Variants in TRAF3 observed in about 807,000 individuals in gnomAD.
The protein encoded by TRAF3 is TNF receptor-associated factor 3.
Under a neutral mutation model 62.3 loss-of-function variants are expected in TRAF3, and 13 were observed. The observed-to-expected ratio is 0.21, with a 90% CI of 0.14 to 0.33. The LOEUF is 0.33. TRAF3 is among the 10% of genes least tolerant of loss of function. TRAF3 has a pLI of 1.00. For missense variants in TRAF3, 440 were observed against 741.8 expected, an observed-to-expected ratio of 0.59 and a Z score of 4.73; for synonymous variants, 269 against 283.4, an observed-to-expected ratio of 0.95 and a Z score of 0.51.
At chr14:102,884,106 TG>T (rs1889226054) in intron 6 of TRAF3, among the ~76,000 whole-genome samples, 1 of 152,220 alleles carries the variant, frequency 6.6e-6, no homozygotes, top group South Asian at 2.1e-4. Context: ...GGTCTGGAAA[TG>T]CAAAACCAAG....
At chr14:102,831,608 T>C (rs934092698) in intron 2 of TRAF3, among the ~76,000 whole-genome samples, 4 of 152,182 alleles carry the variant, frequency 2.6e-5, no homozygotes, top group African/African-American at 9.7e-5. Context: ...TGCCCAGTGC[T>C]GCCTGCTGCC....
At chr14:102,791,813 C>CTTTTT (rs112341301) in intron 1 of TRAF3, among the ~76,000 whole-genome samples, 2 of 146,290 alleles carry the variant, frequency 1.4e-5, no homozygotes, top group Non-Finnish European at 1.5e-5. Context: ...TCTTTCTTTC[C>CTTTTT]TTTTTTTTTT....
At position 102,801,321 on chromosome 14, in the gene TRAF3, T is replaced by TTATATAA. The variant is rs1043437517; in HGVS notation, c.-157+23661_-157+23667dup. On this transcript the variant is annotated intron_variant, in intron 1 of 11. Coordinates refer to ENST00000392745, the MANE Select transcript of TRAF3 (RefSeq NM_145725.3). ...TACTGCCTCAGACTTCCCTGGAGTGTTATATAATATATAATATATAAAATA... is the reference window on the plus strand; with the variant it reads ...TACTGCCTCAGACTTCCCTGGAGTGTTATATAATATATAATATATAATATATAAAATA... Among the ~76,000 whole-genome samples the TTATATAA allele has an allele frequency of 2.6e-5, 4 of 152,088 alleles. No individual in the cohort carries two copies. In the South Asian group the frequency reaches 6.2e-4, roughly 24 times the overall value.
intron 9 of TRAF3, among the ~76,000 whole-genome samples, chr14:102,893,879 C>T (rs1031970561): frequency 1.3e-5 from 2 of 152,174 alleles, no homozygotes; most frequent in Non-Finnish European, 2.9e-5. Context: ...GTGCCCTTTG[C>T]TAGGTCCAAA....
At chr14:102,830,885 C>T (rs1462127416) in intron 2 of TRAF3, among the ~76,000 whole-genome samples, 1 of 152,194 alleles carries the variant, frequency 6.6e-6, no homozygotes, top group Non-Finnish European at 1.5e-5. Flanking sequence ...TTTACTAAGG[C>T]AGGACAACAT....
intron 10 of TRAF3, among the ~76,000 whole-genome samples, chr14:102,900,201 A>AAAAAAAAAC: frequency 6.8e-6 from 1 of 146,184 alleles, no homozygotes; most frequent in Admixed American, 6.9e-5. Flanking sequence ...AAAAAAAAAA[A>AAAAAAAAAC]AAGACAGCCT....
At chr14:102,901,581 C>T (rs73350779) in intron 10 of TRAF3, among the ~76,000 whole-genome samples, 9,895 of 152,114 alleles carry the variant, frequency 0.065, 1,060 homozygotes, top group African/African-American at 0.23. Flanking sequence ...TCCTTCTGAA[C>T]ATGTATGATT....
intron 1 of TRAF3, among the ~76,000 whole-genome samples, chr14:102,791,645 T>C (rs1269516913): frequency 6.6e-6 from 1 of 152,200 alleles, no homozygotes; most frequent in Non-Finnish European, 1.5e-5. Context: ...TACCTCTTCT[T>C]TCTAATTTGA....
At chr14:102,819,834 G>A (rs540135101) in intron 1 of TRAF3, among the ~76,000 whole-genome samples, 5 of 152,258 alleles carry the variant, frequency 3.3e-5, no homozygotes, top group Non-Finnish European at 7.3e-5. Context: ...GGGACAGTGA[G>A]ACTATGAATA....
intron 1 of TRAF3, among the ~76,000 whole-genome samples, chr14:102,820,172 G>A (rs1012964776): frequency 6.6e-6 from 1 of 152,128 alleles, no homozygotes; most frequent in African/African-American, 2.4e-5. Context: ...GAGCCACATG[G>A]GGGGCTGGCA....
chr14:102,788,920 A>G (rs777212392), intron 1 of TRAF3, among the ~76,000 whole-genome samples: 3 of 152,162 alleles, frequency 2.0e-5, no homozygotes, highest in Admixed American at 1.3e-4. Context: ...GCAGTGACCT[A>G]TGATCACACC....
At position 102,792,113 on chromosome 14, in the gene TRAF3, C is replaced by CTTTTTTTTTTTTTTTTTTTTTTTTTT. The variant is rs35895214; in HGVS notation, c.-157+14440_-157+14465dup. 1.2e-4 allele frequency among the ~76,000 whole-genome samples: 12 copies of CTTTTTTTTTTTTTTTTTTTTTTTTTT among 97,702 alleles called. 6 individuals are homozygous for CTTTTTTTTTTTTTTTTTTTTTTTTTT. The highest frequency in any genetic ancestry group is 2.2e-4 in the Admixed American group (2 of 9,054). 64.1% of individuals were successfully genotyped at this position (97,702 alleles called of 152,430 possible). On this transcript the variant is annotated intron_variant, in intron 1 of 11. Transcript: ENST00000392745. ...ACAGGTGCGAGCCACTGTGCCTGGA[C>CTTTTTTTTTTTTTTTTTTTTTTTTTT]TTTTTTTTTTTTTTTTTTTTTTTTT... is the stretch of plus-strand genomic sequence containing the variant.
intron 1 of TRAF3, among the ~76,000 whole-genome samples, chr14:102,828,790 T>C (rs527323165): frequency 3.0e-4 from 45 of 152,370 alleles, no homozygotes; most frequent in Non-Finnish European, 4.7e-4. Context: ...AAGTGAATTA[T>C]TGAAGATGTT....
intron 1 of TRAF3, 52 bp downstream of exon 1, chr14:102,777,727 C>T (rs1333418037): frequency 6.9e-6 from 1 of 144,742 alleles, no homozygotes. Flanking sequence ...CGGGCGCCTC[C>T]ATCCCCGTCG....
intron 2 of TRAF3, among the ~76,000 whole-genome samples, chr14:102,847,927 G>T (rs959034937): frequency 1.3e-5 from 2 of 151,802 alleles, no homozygotes; most frequent in African/African-American, 4.8e-5. Context: ...CATACCTCAT[G>T]GCCCAGGAAT....
At chr14:102,807,556 G>A (rs924997383) in intron 1 of TRAF3, among the ~76,000 whole-genome samples, 1 of 152,188 alleles carries the variant, frequency 6.6e-6, no homozygotes, top group Non-Finnish European at 1.5e-5. Context: ...GCCATCTTTA[G>A]ATGATAACTC....
intron 2 of TRAF3, among the ~76,000 whole-genome samples, chr14:102,862,366 A>T (rs1201266204): frequency 6.8e-6 from 1 of 148,098 alleles, no homozygotes; most frequent in African/African-American, 2.5e-5. Flanking sequence ...ACCACACTGC[A>T]CTCCAGCCTG....
rs1293923229 is a variant in TRAF3 at position 102,870,274 on chromosome 14, C to T, written c.73C>T (p.Arg25Cys). 20 of 1,614,078 alleles carry T rather than the reference C, an allele frequency of 1.2e-5. No homozygotes were observed. The highest frequency in any genetic ancestry group is 4.5e-5 in the East Asian group (2 of 44,890). The part of the protein sequence containing the change: ...TNPPLKLHTD[R>C]SAGTPVFVPE... The stretch of plus-strand genomic sequence containing the variant: ...CCCGCCGCTAAAGCTGCACACTGAC[C>T]GCAGTGCTGGGACGCCAGTTTTTGT... The change falls in exon 3 of 12, where the codon CGC (arginine) becomes TGC (cysteine). Residue 25 changes from arginine to cysteine, a missense_variant. This residue lies in a region of TRAF3 where 40 missense variants were observed against 38.3 expected (regional missense o/e 1.05). Coordinates refer to ENST00000392745, the MANE Select transcript of TRAF3 (RefSeq NM_145725.3).
intron 2 of TRAF3, among the ~76,000 whole-genome samples, chr14:102,845,223 G>C (rs1183799404): frequency 6.8e-6 from 1 of 147,518 alleles, no homozygotes; most frequent in Non-Finnish European, 1.5e-5. Context: ...TTTTTTTTGA[G>C]ATGGAGTCTC....
Sources: allele counts gnomAD v4.1 joint callset (sites outside exome capture counted in the v4.1 genomes callset), GRCh38; gene constraint gnomAD v4.1.1; regional missense constraint gnomAD v4.1.1; transcripts MANE v1.5; gene names NCBI Gene and HGNC (gene_info 2026-07-23, HGNC 2026-07-21).